ULK4: variants seen among roughly 807,000 people sequenced by gnomAD.
ULK4 encodes unc-51 like kinase 4.
In ULK4, 133 loss-of-function variants were observed where a neutral mutation model predicts 160.6. The ratio of observed to expected loss-of-function variants is 0.83; its 90% CI spans 0.72 to 0.96. The LOEUF (loss-of-function observed/expected upper bound fraction) is 0.96. ULK4 is among the 40% of genes least tolerant of loss of function. The pLI is 0.00. For missense variants in ULK4, 1,580 were observed against 1,499.5 expected (o/e 1.05, Z -0.89); for synonymous variants, 534 against 539.8 (o/e 0.99, Z 0.15).
chr3:41,344,929 T>G (rs1322364520), intron 35 of ULK4, among the ~76,000 whole-genome samples: 1 of 150,906 alleles, frequency 6.6e-6, no homozygotes, highest in East Asian at 1.9e-4. Context: ...GGAACTTGAG[T>G]TTACAAGAAA....
chr3:41,823,673 CACTGA>C (rs1559581513), intron 18 of ULK4, among the ~76,000 whole-genome samples: 1 of 152,122 alleles, frequency 6.6e-6, no homozygotes, highest in African/African-American at 2.4e-5. Context: ...AACAGGTTAG[CACTGA>C]CCTGAGATTT....
chr3:41,835,419 T>C (rs2041724351), intron 18 of ULK4, among the ~76,000 whole-genome samples: 1 of 152,242 alleles, frequency 6.6e-6, no homozygotes. Flanking sequence ...CACCTTTAGA[T>C]ATAATAAGTC....
chr3:41,921,447 TA>T lies in ULK4; in HGVS notation c.542-1630del, dbSNP rs908225991. Among the ~76,000 whole-genome samples, 24 of 150,426 alleles carry T rather than the reference TA, an allele frequency of 1.6e-4. 1 individual carries two copies. The East Asian group carries it at 4.1e-3, about 26-fold the overall frequency. ...TAACATGGTAAAACCCCGTCTCTCA[TA>T]AAAAAAAATACAAAAAATTAGCCAG... is the stretch of plus-strand genomic sequence containing the variant. On this transcript the variant is annotated intron_variant, in intron 5 of 36. Coordinates refer to ENST00000301831, the MANE Select transcript of ULK4 (RefSeq NM_017886.4).
At chr3:41,411,328 C>T (rs1176168219) in intron 34 of ULK4, among the ~76,000 whole-genome samples, 1 of 152,066 alleles carries the variant, frequency 6.6e-6, no homozygotes, top group Non-Finnish European at 1.5e-5. Context: ...CATTTACAAT[C>T]TATTCTCTGT....
At chr3:41,619,927 G>A (rs769532567) in intron 30 of ULK4, among the ~76,000 whole-genome samples, 10 of 151,838 alleles carry the variant, frequency 6.6e-5, no homozygotes, top group African/African-American at 2.2e-4. Context: ...ATGATACAAG[G>A]GACATCACCA....
At chr3:41,856,321 G>A (rs755848512) in intron 17 of ULK4, among the ~76,000 whole-genome samples, 29 of 151,254 alleles carry the variant, frequency 1.9e-4, no homozygotes, top group Non-Finnish European at 4.1e-4. Context: ...ACAATATGGA[G>A]GATTTAAATG....
intron 34 of ULK4, among the ~76,000 whole-genome samples, chr3:41,416,505 TCAAAA>T (rs2082530673): frequency 6.6e-6 from 1 of 152,158 alleles, no homozygotes; most frequent in South Asian, 2.1e-4. Context: ...GCTATACCCC[TCAAAA>T]CAAAACTATT....
chr3:41,571,250 C>T (rs1226440379), intron 31 of ULK4, among the ~76,000 whole-genome samples: 1 of 152,132 alleles, frequency 6.6e-6, no homozygotes, highest in African/African-American at 2.4e-5. Flanking sequence ...ACAGTAATTG[C>T]TTCTGCTCAA....
chr3:41,859,862 G>A (rs1399198917), intron 17 of ULK4, among the ~76,000 whole-genome samples: 1 of 139,244 alleles, frequency 7.2e-6, no homozygotes, highest in Non-Finnish European at 1.5e-5. Context: ...TAGAAACAGG[G>A]TTTCACCATG....
At chr3:41,361,271 G>A (rs2081136985) in intron 35 of ULK4, among the ~76,000 whole-genome samples, 1 of 152,190 alleles carries the variant, frequency 6.6e-6, no homozygotes, top group South Asian at 2.1e-4. Flanking sequence ...TGAGAGAGAA[G>A]ATGATAGGCT....
intron 17 of ULK4, among the ~76,000 whole-genome samples, chr3:41,846,066 T>TTGC (rs1559602939): frequency 6.6e-6 from 1 of 152,142 alleles, no homozygotes; most frequent in South Asian, 2.1e-4. Flanking sequence ...ATAATAGAAA[T>TTGC]TGCTTTAGAA....
chr3:41,652,149 T>C (rs2034768587), intron 30 of ULK4, among the ~76,000 whole-genome samples: 1 of 152,098 alleles, frequency 6.6e-6, no homozygotes, highest in Admixed American at 6.5e-5. Context: ...TGAATTATCA[T>C]GAAACAAGGG....
intron 27 of ULK4, among the ~76,000 whole-genome samples, chr3:41,703,622 A>G (rs2036757978): frequency 6.6e-6 from 1 of 152,132 alleles, no homozygotes; most frequent in African/African-American, 2.4e-5. Context: ...AATAGACCCA[A>G]AGAAAAAGAA....
Position 41,823,422 on chromosome 3 carries a change from G to A in ULK4, c.1765-3916C>T, listed in dbSNP as rs117739398. ...GACTTTGGCTGTGACAATGAAGAAA[G>A]AAATTATGGGATAAAACAAAAAAGA... On this transcript the variant is annotated intron_variant, in intron 18 of 36. Coordinates refer to ENST00000301831, the MANE Select transcript of ULK4 (RefSeq NM_017886.4). Among the ~76,000 whole-genome samples, 232 of 152,310 alleles carry A rather than the reference G, an allele frequency of 1.5e-3. 2 individuals carry two copies. The East Asian group carries it at 0.016, about 11-fold the overall frequency.
intron 34 of ULK4, among the ~76,000 whole-genome samples, chr3:41,399,220 T>C (rs1031881931): frequency 1.3e-5 from 2 of 152,274 alleles, no homozygotes; most frequent in African/African-American, 4.8e-5. Context: ...GGGTAACTCA[T>C]TGTGGTTTTC....
At chr3:41,648,055 C>T (rs191957473) in intron 30 of ULK4, among the ~76,000 whole-genome samples, 2 of 152,304 alleles carry the variant, frequency 1.3e-5, no homozygotes, top group African/African-American at 2.4e-5. Context: ...CGGAAAAGCG[C>T]AGTATTCTGG....
At chr3:41,872,016 A>G (rs1697113187) in intron 17 of ULK4, among the ~76,000 whole-genome samples, 1 of 152,194 alleles carries the variant, frequency 6.6e-6, no homozygotes, top group African/African-American at 2.4e-5. Context: ...TGTTCTGGCA[A>G]GTAGCGTCTG....
chr3:41,324,507 T>C (rs10212617), intron 35 of ULK4, among the ~76,000 whole-genome samples: 35,071 of 152,098 alleles, frequency 0.23, 4,202 homozygotes, highest in African/African-American at 0.25. Context: ...ATGAAGTTAG[T>C]AAAAGCTCAA....
intron 35 of ULK4, among the ~76,000 whole-genome samples, chr3:41,389,649 G>A (rs2081908699): frequency 6.6e-6 from 1 of 152,110 alleles, no homozygotes; most frequent in Non-Finnish European, 1.5e-5. Context: ...TTTGTCTTTG[G>A]TTCTGTTTAT....
Sources: gnomAD v4.1 joint callset for allele counts (sites outside exome capture counted in the v4.1 genomes callset) on GRCh38, gnomAD v4.1.1 for gene constraint, MANE v1.5 for transcripts, NCBI Gene and HGNC (gene_info 2026-07-23, HGNC 2026-07-21) for gene names.